Variants in TET2 observed in about 807,000 individuals in gnomAD.
The protein encoded by TET2 is methylcytosine dioxygenase TET2.
A neutral mutation model predicts 142.9 loss-of-function variants in TET2; 299 were observed. The ratio of observed to expected loss-of-function variants is 2.09; its 90% CI spans 1.90 to 2.30. The LOEUF (loss-of-function observed/expected upper bound fraction) is 2.30, where lower values mean the gene tolerates loss of function less well. TET2 is among the 30% of genes most tolerant of loss of function. The pLI is 0.00. For synonymous variants in TET2, 819 were observed against 849.0 expected (o/e 0.96, Z 0.61); for missense variants, 2,418 against 2,378.0 (o/e 1.02, Z -0.35).
chr4:105,231,236 A>G (rs1170725971), intron 2 of TET2, among the ~76,000 whole-genome samples: 3 of 152,292 alleles, frequency 2.0e-5, no homozygotes, highest in African/African-American at 7.2e-5. Context: ...TGAACTTTGG[A>G]GTCAACTTCC....
intron 1 of TET2, among the ~76,000 whole-genome samples, chr4:105,148,034 C>G (rs577864409): frequency 6.6e-6 from 1 of 151,976 alleles, no homozygotes; most frequent in South Asian, 2.1e-4. Flanking sequence ...CCTCTCTACT[C>G]TTTCTTCTCT....
chr4:105,240,795 CATACTA>C (rs1398755817), intron 3 of TET2: 1 of 1,079,240 alleles, frequency 9.3e-7, no homozygotes, highest in African/African-American at 1.6e-5. Context: ...TTCTAAAGTA[CATACTA>C]ATATGGGTCT....
intron 1 of TET2, among the ~76,000 whole-genome samples, chr4:105,181,790 T>C (rs978940881): frequency 6.6e-6 from 1 of 152,196 alleles, no homozygotes; most frequent in Non-Finnish European, 1.5e-5. Flanking sequence ...AAATACTATG[T>C]CACAATTTGT....
chr4:105,160,647 A>T (rs538766829), intron 1 of TET2, among the ~76,000 whole-genome samples: 1 of 152,234 alleles, frequency 6.6e-6, no homozygotes, highest in South Asian at 2.1e-4. Flanking sequence ...CTTTCTAAAG[A>T]TAGGAAAAAT....
At chr4:105,255,550 C>G (rs2110277276) in intron 6 of TET2, among the ~76,000 whole-genome samples, 1 of 152,168 alleles carries the variant, frequency 6.6e-6, no homozygotes, top group East Asian at 1.9e-4. Context: ...AATCTTCTAT[C>G]TACTTTTAGC....
intron 1 of TET2, among the ~76,000 whole-genome samples, chr4:105,159,113 G>A (rs750356498): frequency 1.3e-5 from 2 of 152,108 alleles, no homozygotes; most frequent in African/African-American, 2.4e-5. Context: ...TTGTCCGGGA[G>A]CCCTTGTCTG....
intron 2 of TET2, among the ~76,000 whole-genome samples, chr4:105,206,719 T>C (rs1322390262): frequency 6.6e-6 from 1 of 152,218 alleles, no homozygotes; most frequent in Non-Finnish European, 1.5e-5. Context: ...ATGGGGGATC[T>C]TTTCTAATTT....
At chr4:105,224,402 AT>A (rs1197816789) in intron 2 of TET2, among the ~76,000 whole-genome samples, 1 of 152,204 alleles carries the variant, frequency 6.6e-6, no homozygotes, top group Non-Finnish European at 1.5e-5. Flanking sequence ...GAGGCCTGTC[AT>A]AATTATGATG....
At chr4:105,241,175 TTTCTAATAGATCAG>T in intron 3 of TET2, 150 bp from the exon 4 acceptor site, 1 of 1,282,378 alleles carries the variant, frequency 7.8e-7, no homozygotes, top group Non-Finnish European at 1.0e-6. Context: ...TGTGGCACAT[TTTCTAATAGATCAG>T]TCCATCAATC....
chr4:105,194,188 GA>G (rs1406642770), intron 2 of TET2, among the ~76,000 whole-genome samples: 1 of 152,104 alleles, frequency 6.6e-6, no homozygotes, highest in African/African-American at 2.4e-5. Flanking sequence ...AATAGGATTA[GA>G]AGGTTTGACT....
intron 1 of TET2, among the ~76,000 whole-genome samples, chr4:105,172,912 T>C (rs1180147556): frequency 1.3e-5 from 2 of 152,202 alleles, no homozygotes; most frequent in Non-Finnish European, 2.9e-5. Context: ...GAAATTGATA[T>C]GGGCAATTAA....
intron 6 of TET2, among the ~76,000 whole-genome samples, chr4:105,250,516 C>G (rs1729819700): frequency 6.6e-6 from 1 of 150,792 alleles, no homozygotes; most frequent in Non-Finnish European, 1.5e-5. Flanking sequence ...CAGGCATGAG[C>G]CACCACATCC....
intron 2 of TET2, among the ~76,000 whole-genome samples, chr4:105,225,185 C>CGGGTGTGTGTGTGT (rs1553912310): frequency 2.0e-5 from 3 of 147,104 alleles, no homozygotes; most frequent in Non-Finnish European, 4.5e-5. Flanking sequence ...AGTAAAAAAT[C>CGGGTGTGTGTGTGT]GTGTGTGTGT....
intron 7 of TET2, 111 bp from the exon 8 acceptor site, chr4:105,261,648 T>C (rs948680213): frequency 5.5e-5 from 32 of 580,334 alleles, no homozygotes; most frequent in Non-Finnish European, 8.2e-5. Context: ...AAAGGCACCA[T>C]ATATTGTGTT....
intron 10 of TET2, among the ~76,000 whole-genome samples, chr4:105,273,816 T>G (rs1479123287): frequency 1.3e-5 from 2 of 152,164 alleles, no homozygotes; most frequent in African/African-American, 4.8e-5. Flanking sequence ...CCCATCAAAA[T>G]AGATTACAGC....
chr4:105,235,616 C>T lies in TET2; in HGVS notation c.1674C>T (p.His558=). ...QTRDLVPPTQ[H]YLKPGWIELK... is the part of the protein sequence containing the mutation. ...GAGATCTTGTGCCCCCAACACAGCA[C>T]TATCTGAAACCAGGATGGATTGAAT... Residue 558 remains histidine, a synonymous_variant, in exon 3 of 11, where the codon CAC becomes CAT. Coordinates refer to ENST00000380013, the MANE Select transcript of TET2 (RefSeq NM_001127208.3). 1 of 1,614,174 alleles carries T rather than the reference C, an allele frequency of 6.2e-7. No individual in the cohort carries two copies. Among genetic ancestry groups the T allele is most frequent in the Admixed American group, 1.7e-5 (1 of 60,024 alleles).
At chr4:105,273,880 T>C (rs1731077687) in intron 10 of TET2, among the ~76,000 whole-genome samples, 1 of 152,130 alleles carries the variant, frequency 6.6e-6, no homozygotes, top group Non-Finnish European at 1.5e-5. Flanking sequence ...TGTCTTTCCA[T>C]AGCCTCCTGC....
chr4:105,195,086 T>C (rs935907409), intron 2 of TET2, among the ~76,000 whole-genome samples: 9 of 152,166 alleles, frequency 5.9e-5, no homozygotes, highest in Non-Finnish European at 1.3e-4. Flanking sequence ...TATCCACATA[T>C]GATGTGTCCT....
Position 105,162,377 on chromosome 4 carries a change from A to T in TET2, c.-193+15398A>T, listed in dbSNP as rs114572618. ...TACTAACTGTTTAATGACCTGGATC[A>T]TGAATACTGATACAGAATAAGAAAG... On this transcript the variant is annotated intron_variant, in intron 1 of 10. Transcript: ENST00000380013. 9.7e-3 allele frequency among the ~76,000 whole-genome samples: 1,482 copies of T among 152,332 alleles called. 27 individuals carry two copies. Among genetic ancestry groups the T allele is most frequent in the African/African-American group, 0.033 (1,367 of 41,564 alleles).
Sources: gnomAD v4.1 joint callset for allele counts (sites outside exome capture counted in the v4.1 genomes callset) on GRCh38, gnomAD v4.1.1 for gene constraint, MANE v1.5 for transcripts, NCBI Gene and HGNC (gene_info 2026-07-23, HGNC 2026-07-21) for gene names.